The following RORA variants were observed in gnomAD, a reference collection of about 807,000 sequenced individuals.
RORA encodes the protein RAR related orphan receptor A, also known as nuclear receptor ROR-alpha.
Under a neutral mutation model 69.5 loss-of-function variants are expected in RORA, and 7 were observed. That is an observed-to-expected ratio of 0.10 (90% confidence interval 0.06 to 0.19). RORA has a LOEUF of 0.19. RORA is among the 10% of genes least tolerant of loss of function. The pLI, the probability that RORA is intolerant of heterozygous loss-of-function variation, is 1.00. For missense variants in RORA, 457 were observed against 663.0 expected (o/e 0.69, Z 3.41); for synonymous variants, 261 against 240.8 (o/e 1.08, Z -0.78).
At chr15:60,800,405 T>C (rs2072562185) in intron 1 of RORA, among the ~76,000 whole-genome samples, 1 of 152,214 alleles carries the variant, frequency 6.6e-6, no homozygotes, top group Non-Finnish European at 1.5e-5. Context: ...CCAGGAAGAC[T>C]AATTTAAAAC....
intron 2 of RORA, among the ~76,000 whole-genome samples, chr15:60,587,604 T>C (rs1286934368): frequency 1.3e-5 from 2 of 152,174 alleles, no homozygotes; most frequent in African/African-American, 4.8e-5. Context: ...GTAAGAGTGT[T>C]TGTAAACCAT....
chr15:61,116,451 A>C (rs1346708987), intron 1 of RORA, among the ~76,000 whole-genome samples: 1 of 152,196 alleles, frequency 6.6e-6, no homozygotes, highest in African/African-American at 2.4e-5. Flanking sequence ...TCTTCCCCTA[A>C]GCACCTCACA....
At chr15:60,910,859 T>C (rs1891686854) in intron 1 of RORA, among the ~76,000 whole-genome samples, 2 of 151,906 alleles carry the variant, frequency 1.3e-5, no homozygotes, top group South Asian at 2.1e-4. Context: ...TAAATCATCT[T>C]TATGAGGCTC....
chr15:61,003,135 CAAA>C (rs1247223012), intron 1 of RORA, among the ~76,000 whole-genome samples: 1 of 84,312 alleles, frequency 1.2e-5, no homozygotes, highest in Admixed American at 1.4e-4. Context: ...GACTCAGTCT[CAAA>C]AAAAAAAAAA....
chr15:60,798,263 CACACA>C (rs2140355136), intron 1 of RORA, among the ~76,000 whole-genome samples: 1 of 96,554 alleles, frequency 1.0e-5, no homozygotes, highest in South Asian at 3.5e-4. Flanking sequence ...CACACACACA[CACACA>C]CCACCTGCAG....
rs115055850 is a variant in RORA, at chr15:60,838,611, A to G, written c.167-159925T>C. On this transcript the variant is annotated intron_variant, in intron 1 of 10. Coordinates refer to ENST00000335670, the MANE Select transcript of RORA (RefSeq NM_134261.3). The stretch of plus-strand genomic sequence containing the variant: ...AGAAGCCACAGTAGGTTCATGGGGA[A>G]CCCCACTCACACCAGACGTAATGGC... 9.9e-3 allele frequency among the ~76,000 whole-genome samples: 1,514 copies of G among 152,242 alleles called. 26 individuals are homozygous for G. Among genetic ancestry groups the G allele is most frequent in the African/African-American group, 0.034 (1,430 of 41,540 alleles).
At chr15:61,177,530 C>T (rs553619126) in intron 1 of RORA, among the ~76,000 whole-genome samples, 2 of 152,186 alleles carry the variant, frequency 1.3e-5, no homozygotes, top group South Asian at 4.2e-4. Flanking sequence ...GCACCAGGGC[C>T]CAGCTTCCAT....
chr15:60,947,295 G>C (rs1194143205), intron 1 of RORA, among the ~76,000 whole-genome samples: 1 of 152,074 alleles, frequency 6.6e-6, no homozygotes, highest in Non-Finnish European at 1.5e-5. Flanking sequence ...GATTGTTGCT[G>C]TGTCTGTGTG....
intron 1 of RORA, among the ~76,000 whole-genome samples, chr15:61,095,577 T>A (rs538679741): frequency 1.2e-4 from 19 of 152,336 alleles, no homozygotes; most frequent in Admixed American, 1.2e-3. Flanking sequence ...CTTTCTCCAA[T>A]CTTATGGAGA....
chr15:61,163,292 C>T (rs563931778), intron 1 of RORA, among the ~76,000 whole-genome samples: 12 of 152,222 alleles, frequency 7.9e-5, no homozygotes, highest in South Asian at 2.1e-4. Flanking sequence ...TAAGAGGATC[C>T]GTGTTCCAGG....
chr15:61,150,940 G>C (rs1009532326), intron 1 of RORA, among the ~76,000 whole-genome samples: 4 of 152,158 alleles, frequency 2.6e-5, no homozygotes, highest in Non-Finnish European at 5.9e-5. Context: ...TATCTGCAGA[G>C]CTTTTAAATT....
intron 2 of RORA, among the ~76,000 whole-genome samples, chr15:60,599,472 A>G (rs921418211): frequency 6.6e-6 from 1 of 152,210 alleles, no homozygotes; most frequent in Non-Finnish European, 1.5e-5. Context: ...AATCACTTGA[A>G]TCCGGGAGGC....
intron 1 of RORA, among the ~76,000 whole-genome samples, chr15:61,146,354 G>A (rs28678752): frequency 0.012 from 1,830 of 152,040 alleles, 40 homozygotes; most frequent in African/African-American, 0.042. Context: ...TATTTCAGAA[G>A]TGCCCCCCAC....
intron 3 of RORA, among the ~76,000 whole-genome samples, chr15:60,525,268 G>A (rs1488021133): frequency 1.3e-5 from 2 of 151,976 alleles, no homozygotes; most frequent in Admixed American, 6.6e-5. Flanking sequence ...CTTCCTACTG[G>A]AGTTTTAATA....
At chr15:60,836,807 C>T (rs1341891948) in intron 1 of RORA, among the ~76,000 whole-genome samples, 1 of 152,110 alleles carries the variant, frequency 6.6e-6, no homozygotes, top group Non-Finnish European at 1.5e-5. Context: ...GAGCTCTCTC[C>T]TAAAATATCC....
intron 1 of RORA, among the ~76,000 whole-genome samples, chr15:60,770,377 G>T (rs954386849): frequency 6.6e-6 from 1 of 152,112 alleles, no homozygotes; most frequent in Admixed American, 6.5e-5. Context: ...GAAGTCAGGG[G>T]TTTGTAAGAA....
intron 1 of RORA, among the ~76,000 whole-genome samples, chr15:61,164,424 G>A (rs113185065): frequency 0.013 from 2,003 of 152,296 alleles, 35 homozygotes; most frequent in African/African-American, 0.046. Context: ...ACAATCAGGT[G>A]TCATTGCTTT....
At chr15:60,584,571 G>C (rs1039749424) in intron 2 of RORA, among the ~76,000 whole-genome samples, 5 of 152,166 alleles carry the variant, frequency 3.3e-5, no homozygotes, top group Non-Finnish European at 5.9e-5. Flanking sequence ...ACACTTGATT[G>C]GGAGGAAGGT....
intron 1 of RORA, among the ~76,000 whole-genome samples, chr15:61,154,304 A>G (rs963846057): frequency 2.6e-5 from 4 of 152,194 alleles, no homozygotes; most frequent in African/African-American, 9.7e-5. Flanking sequence ...AGGCTGATTC[A>G]ATATTTACAT....
Sources: allele counts gnomAD v4.1 joint callset (sites outside exome capture counted in the v4.1 genomes callset), GRCh38; gene constraint gnomAD v4.1.1; transcripts MANE v1.5; gene names NCBI Gene and HGNC (gene_info 2026-07-23, HGNC 2026-07-21).